The following TTC19 variants were observed in gnomAD, a reference collection of about 807,000 sequenced individuals.
TTC19 encodes the protein tetratricopeptide repeat domain 19.
A neutral mutation model predicts 49.5 loss-of-function variants in TTC19; 38 were observed. The ratio of observed to expected loss-of-function variants is 0.77; its 90% CI spans 0.59 to 1.01. The LOEUF is 1.01. TTC19 is among the 50% of genes least tolerant of loss of function. TTC19 has a pLI of 0.00. For missense variants in TTC19, 475 were observed against 477.7 expected (o/e 0.99, Z 0.05); for synonymous variants, 204 against 185.2 (o/e 1.10, Z -0.83).
intron 2 of TTC19, chr17:16,041,248 C>T (rs1387076642): frequency 1.3e-5 from 2 of 152,056 alleles, no homozygotes; most frequent in Non-Finnish European, 2.9e-5. Flanking sequence ...CTGGGAACCG[C>T]CTATAATAAA....
chr17:16,002,654 C>A, intron 3 of TTC19, 139 bp from the exon 4 acceptor site: 1 of 773,998 alleles, frequency 1.3e-6, no homozygotes, highest in African/African-American at 1.7e-5. Flanking sequence ...CTTCTTCTTG[C>A]AGATTAATTG....
At chr17:16,001,094 C>T (rs1362606902) in intron 2 of TTC19, among the ~76,000 whole-genome samples, 1 of 152,176 alleles carries the variant, frequency 6.6e-6, no homozygotes, top group Non-Finnish European at 1.5e-5. Flanking sequence ...AGTAGTCTTT[C>T]CTGGCCTCCT....
At chr17:16,018,959 A>T (rs1036930253) in intron 7 of TTC19, among the ~76,000 whole-genome samples, 8 of 151,922 alleles carry the variant, frequency 5.3e-5, no homozygotes, top group Admixed American at 1.3e-4. Flanking sequence ...ATCCCTGTAT[A>T]CCCTTCCCTC....
chr17:16,039,979 G>A (rs956790975), intron 2 of TTC19: 8 of 385,380 alleles, frequency 2.1e-5, no homozygotes, highest in African/African-American at 1.7e-4. Context: ...TTTAGGAGAT[G>A]GGGTTTCACC....
intron 2 of TTC19, among the ~76,000 whole-genome samples, chr17:16,038,731 TTTTTTATGGCTTACGA>T (rs1212182164): frequency 2.6e-5 from 4 of 152,118 alleles, no homozygotes; most frequent in African/African-American, 9.7e-5. Flanking sequence ...TTCCTACTCT[TTTTTTATGGCTTACGA>T]TTATTTTATT....
At chr17:16,040,724 A>G (rs570158357) in intron 2 of TTC19, 1 of 556,610 alleles carries the variant, frequency 1.8e-6, no homozygotes, top group Admixed American at 2.5e-5. Context: ...TAGGTAAGGT[A>G]GGAACATCAA....
At chr17:16,034,746 G>A (rs1473258809) in intron 2 of TTC19, 6 of 1,588,264 alleles carry the variant, frequency 3.8e-6, no homozygotes, top group Non-Finnish European at 5.1e-6. Flanking sequence ...CATTTTCTAA[G>A]TTAAAGCAGA....
At chr17:16,027,079 A>G in intron 9 of TTC19, 2 of 518,192 alleles carry the variant, frequency 3.9e-6, no homozygotes, top group Non-Finnish European at 7.0e-6. Context: ...GTGTCAGCAC[A>G]CTATACCGAT....
intron 6 of TTC19, among the ~76,000 whole-genome samples, chr17:16,006,040 C>T (rs1485436769): frequency 3.3e-5 from 5 of 152,142 alleles, no homozygotes; most frequent in Non-Finnish European, 5.9e-5. Flanking sequence ...AGCAAAGTTC[C>T]CTCTTCCCAT....
chr17:16,035,883 TGAC>T (rs2056255999), intron 2 of TTC19, among the ~76,000 whole-genome samples: 4 of 152,124 alleles, frequency 2.6e-5, no homozygotes, highest in Admixed American at 1.3e-4. Flanking sequence ...CTCCCTCCAC[TGAC>T]GTCTTGATCC....
intron 7 of TTC19, among the ~76,000 whole-genome samples, chr17:16,019,178 C>T (rs1206679942): frequency 6.6e-6 from 1 of 152,062 alleles, no homozygotes; most frequent in Non-Finnish European, 1.5e-5. Flanking sequence ...ACTAAAAATA[C>T]AAAAATTAGC....
chr17:16,039,343 T>C, intron 2 of TTC19: 1 of 1,246,696 alleles, frequency 8.0e-7, no homozygotes, highest in Non-Finnish European at 1.1e-6. Flanking sequence ...AAGACATAAA[T>C]GAAATGTCTT....
chr17:16,036,192 C>T (rs902571152), intron 2 of TTC19, among the ~76,000 whole-genome samples: 1 of 152,226 alleles, frequency 6.6e-6, no homozygotes, highest in Non-Finnish European at 1.5e-5. Context: ...CATTCATCTC[C>T]TTGAACCTTT....
intron 6 of TTC19, among the ~76,000 whole-genome samples, chr17:16,004,667 G>A (rs374513100): frequency 6.6e-6 from 1 of 152,194 alleles, no homozygotes; most frequent in Non-Finnish European, 1.5e-5. Flanking sequence ...AAGCATCTAG[G>A]TTGTAAGCAG....
intron 2 of TTC19, among the ~76,000 whole-genome samples, chr17:16,000,787 T>C (rs1460149758): frequency 6.6e-6 from 1 of 152,200 alleles, no homozygotes; most frequent in Non-Finnish European, 1.5e-5. Context: ...GACATGCCAT[T>C]TGCACTTTAG....
At chr17:16,008,950 A>G (rs1362462400) in intron 7 of TTC19, among the ~76,000 whole-genome samples, 3 of 152,102 alleles carry the variant, frequency 2.0e-5, no homozygotes, top group Admixed American at 6.5e-5. Context: ...TCTCCACTAA[A>G]AGTATGTTTT....
At chr17:16,019,775 A>G (rs937620105) in intron 7 of TTC19, among the ~76,000 whole-genome samples, 13 of 152,106 alleles carry the variant, frequency 8.5e-5, no homozygotes, top group African/African-American at 3.1e-4. Flanking sequence ...TTGGACTTGC[A>G]TCTTTGTGCA....
At chr17:16,013,516 G>A (rs1289890721) in intron 7 of TTC19, among the ~76,000 whole-genome samples, 1 of 152,042 alleles carries the variant, frequency 6.6e-6, no homozygotes, top group Non-Finnish European at 1.5e-5. Flanking sequence ...TTTCTAAACA[G>A]TTTTAACTTT....
chr17:16,040,815 A>G (rs2057419313), intron 2 of TTC19: 1 of 312,578 alleles, frequency 3.2e-6, no homozygotes, highest in South Asian at 3.4e-5. Context: ...GGACTGCTTG[A>G]GCATAGGAAT....
Sources: gnomAD v4.1 joint callset for allele counts (sites outside exome capture counted in the v4.1 genomes callset) on GRCh38, gnomAD v4.1.1 for gene constraint, MANE v1.5 for transcripts, NCBI Gene and HGNC (gene_info 2026-07-23, HGNC 2026-07-21) for gene names.